CLK1: variants seen among roughly 807,000 people sequenced by gnomAD.
CLK1 encodes CDC like kinase 1.
CLK1 carries 40 observed loss-of-function variants against 60.9 expected under a neutral mutation model. The ratio of observed to expected loss-of-function variants is 0.66; its 90% CI spans 0.51 to 0.86. CLK1 has a LOEUF of 0.86. Ranked by LOEUF, CLK1 falls within the 40% of genes least tolerant of loss-of-function variation. CLK1 has a pLI of 0.00. For synonymous variants in CLK1, 203 were observed against 184.4 expected, an observed-to-expected ratio of 1.10 and a Z score of -0.82; for missense variants, 563 against 606.1, an observed-to-expected ratio of 0.93 and a Z score of 0.75.
At chr2:200,864,356 C>G (rs775568944) in intron 1 of CLK1, 2 of 1,244,512 alleles carry the variant, frequency 1.6e-6, no homozygotes, top group Non-Finnish European at 2.1e-6. Context: ...CGTAACTACC[C>G]CCGCAGGCCG....
chr2:200,857,686 A>G (rs1312741524), intron 7 of CLK1, 32 bp downstream of exon 7: 33 of 1,539,970 alleles, frequency 2.1e-5, no homozygotes, highest in Admixed American at 4.0e-5. Context: ...GGATAAAACC[A>G]GCAAATTAAC....
Position 200,856,997 on chromosome 2 carries a change from G to A in CLK1, c.833-12C>T. The A allele has an allele frequency of 6.2e-7, 1 of 1,607,744 alleles. No homozygotes were observed. The highest frequency in any genetic ancestry group is 8.5e-7 in the Non-Finnish European group (1 of 1,175,196). On this transcript the variant is annotated splice_polypyrimidine_tract_variant and intron_variant, in intron 7 of 12. Transcript: ENST00000321356. ...ATTACTGTGCAAAACTGAGAATAAA[G>A]AGAAAGTTGCTGTAATCAGAAAACA...
At chr2:200,856,455 C>A (rs2039046243) in intron 9 of CLK1, among the ~76,000 whole-genome samples, 1 of 152,196 alleles carries the variant, frequency 6.6e-6, no homozygotes, top group Non-Finnish European at 1.5e-5. Flanking sequence ...AACCCTACCA[C>A]ATATTACAAA....
intron 1 of CLK1, 33 bp from the exon 2 acceptor site, chr2:200,861,895 T>C (rs1347790805): frequency 1.2e-6 from 2 of 1,600,762 alleles, no homozygotes; most frequent in South Asian, 2.2e-5. Context: ...CTAGTTAAAT[T>C]GTACCCCACA....
At chr2:200,860,044 A>T in intron 4 of CLK1, 81 bp downstream of exon 4, 1 of 1,532,342 alleles carries the variant, frequency 6.5e-7, no homozygotes, top group Admixed American at 2.2e-5. Flanking sequence ...AGAAAAAAAG[A>T]TTTCCAAATC....
In CLK1 at chr2:200,854,997, C is replaced by T. The variant is rs1329442481; in HGVS notation, c.1140+7G>A. 3 of 1,597,732 alleles carry T rather than the reference C, an allele frequency of 1.9e-6. No homozygotes were observed. The highest frequency in any genetic ancestry group is 1.7e-4 in the Middle Eastern group (1 of 5,986). On this transcript the variant is annotated splice_region_variant and intron_variant, in intron 10 of 12. Transcript: ENST00000321356. Reference sequence around the variant, plus strand: ...AAGCAAGGTTGAAATAGATCATTGTCACTTACTGGAAATACGGTAAACCCA... The same window carrying T: ...AAGCAAGGTTGAAATAGATCATTGTTACTTACTGGAAATACGGTAAACCCA...
intron 7 of CLK1, chr2:200,857,417 C>G: frequency 3.6e-6 from 1 of 276,822 alleles, no homozygotes; most frequent in Non-Finnish European, 6.8e-6. Flanking sequence ...TCTTATGAAG[C>G]TTTCTTTTAT....
rs376746358 is a variant in CLK1, at chr2:200,856,726, G to A, written c.1013C>T (p.Thr338Ile). The change falls in exon 9 of 13, where the codon ACA becomes ATA. Residue 338 changes from threonine (T) to isoleucine (I), a missense_variant. Thr to Ile is a moderately conservative substitution (Grantham distance 89). This residue lies in a region of CLK1 where 360 missense variants were observed against 407.0 expected (regional missense o/e 0.88). Transcript: ENST00000321356. ...TCTATAATGTCTTGTAGATACCAAT[G>A]TACTGTGATGTTCGTCATCATATGT... ...SATYDDEHHS[T>I]LVSTRHYRAP... 3.0e-5 allele frequency: 49 copies of A among 1,612,326 alleles called. No homozygotes were observed. Among genetic ancestry groups the A allele is most frequent in the Non-Finnish European group, 3.9e-5 (46 of 1,179,418 alleles).
chr2:200,860,755 A>C (rs1355599665), intron 3 of CLK1: 1 of 1,003,498 alleles, frequency 1.0e-6, no homozygotes, highest in Non-Finnish European at 1.2e-6. Context: ...GCTGATCTCC[A>C]TACTAATATA....
At position 200,858,024 on chromosome 2, in the gene CLK1, G is replaced by A; in HGVS notation, c.614C>T (p.Ser205Leu). Residue 205 changes from serine (S) to leucine (L), a missense_variant, in exon 6 of 13, where the codon TCA (serine) becomes TTA (leucine). Physicochemically the swap from Ser to Leu is moderately radical, Grantham distance 145. Coordinates refer to ENST00000321356, the MANE Select transcript of CLK1 (RefSeq NM_004071.4). ...NVDRYCEAARSEIQVLEHLNT... is the reference protein window; with the variant it reads ...NVDRYCEAARLEIQVLEHLNT... ...CAGATGTTCCAGAACTTGTATTTCT[G>A]AGCGAGCAGCTTCACAGTATCTATC... The A allele has an allele frequency of 6.2e-7, 1 of 1,613,994 alleles. No individual in the cohort carries two copies.
At position 200,853,282 on chromosome 2, in the gene CLK1, C is replaced by T. The variant is rs371190399; in HGVS notation, c.*24G>A. On this transcript the variant is annotated 3_prime_UTR_variant, in exon 13 of 13. Coordinates refer to ENST00000321356, the MANE Select transcript of CLK1 (RefSeq NM_004071.4). ...ACTGATACAGTCTGTAAGATCTCTT[C>T]GAGAGAGCTGTCCAATTACAGATCT... 6 of 1,572,408 alleles carry T rather than the reference C, an allele frequency of 3.8e-6. No individual in the cohort carries two copies. The highest frequency in any genetic ancestry group is 2.7e-5 in the African/African-American group (2 of 72,922).
rs1042517097 is a variant in CLK1 at position 200,853,089 on chromosome 2, C to T, written c.*217G>A. The T allele has an allele frequency of 2.6e-6, 1 of 386,624 alleles. No homozygotes were observed. The highest frequency in any genetic ancestry group is 2.1e-5 in the African/African-American group (1 of 48,054). The allele number at this position is 386,624 out of a possible 1,614,324, so 23.9% of individuals were successfully genotyped here. A position where few individuals can be genotyped will look rare whatever the true frequency, so the allele number is the denominator to read the frequency against. ...TTCAGATACATATCAACTTCATAAG[C>T]ACAAAAAATTTATTCTGAATAAATC... On this transcript the variant is annotated 3_prime_UTR_variant, in exon 13 of 13. Coordinates refer to ENST00000321356, the MANE Select transcript of CLK1 (RefSeq NM_004071.4).
At chr2:200,853,837 T>C in intron 12 of CLK1, 66 bp downstream of exon 12, 2 of 1,271,408 alleles carry the variant, frequency 1.6e-6, no homozygotes, top group Admixed American at 4.0e-5. Flanking sequence ...GAAGCAAGGC[T>C]CGGTCTCAAA....
Position 200,864,656 on chromosome 2 carries a change from A to C in CLK1, c.-93T>G. ...TGACTGCGTCGCGCACCAACAACAA[A>C]ATGGAGCTGACAGCTGCTGCGTCGA... On this transcript the variant is annotated 5_prime_UTR_variant, in exon 1 of 13. In the 5' UTR this introduces an upstream ATG that the reference lacks. Transcript: ENST00000321356. 1.9e-5 allele frequency: 3 copies of C among 158,420 alleles called. No individual in the cohort carries two copies. Among genetic ancestry groups the C allele is most frequent in the Non-Finnish European group, 2.8e-5 (2 of 71,610 alleles). 9.8% of individuals were successfully genotyped at this position (158,420 alleles called of 1,614,324 possible). A position where few individuals can be genotyped will look rare whatever the true frequency, so the allele number is the denominator to read the frequency against.
chr2:200,860,864 A>G, intron 3 of CLK1: 2 of 1,059,676 alleles, frequency 1.9e-6, no homozygotes, highest in Non-Finnish European at 2.3e-6. Flanking sequence ...ATCCTAAATT[A>G]TACAAAAATA....
intron 12 of CLK1, among the ~76,000 whole-genome samples, chr2:200,853,656 C>G (rs1196584789): frequency 2.0e-5 from 2 of 99,290 alleles, no homozygotes; most frequent in Non-Finnish European, 3.8e-5. Flanking sequence ...GCCAGGCCAA[C>G]ATAGTAAAAC....
At chr2:200,859,223 A>G (rs2039095347) in intron 5 of CLK1, among the ~76,000 whole-genome samples, 1 of 152,136 alleles carries the variant, frequency 6.6e-6, no homozygotes, top group South Asian at 2.1e-4. Context: ...ATAAACATAC[A>G]TAATTAAACT....
intron 7 of CLK1, chr2:200,857,473 T>C (rs1037581464): frequency 8.4e-6 from 3 of 356,508 alleles, no homozygotes; most frequent in Non-Finnish European, 1.5e-5. Context: ...GAAGTTACTA[T>C]TTTTGCGCAT....
chr2:200,859,992 A>T, intron 4 of CLK1, 133 bp downstream of exon 4: 1 of 1,449,890 alleles, frequency 6.9e-7, no homozygotes, highest in Non-Finnish European at 9.1e-7. Context: ...AATCCCCCCC[A>T]CCAAAAGAAA....
Sources: allele counts gnomAD v4.1 joint callset (sites outside exome capture counted in the v4.1 genomes callset), GRCh38; gene constraint gnomAD v4.1.1; regional missense constraint gnomAD v4.1.1; transcripts MANE v1.5; gene names NCBI Gene and HGNC (gene_info 2026-07-23, HGNC 2026-07-21).